C12orf75: variants seen among roughly 807,000 people sequenced by gnomAD.
The protein encoded by C12orf75 is chromosome 12 open reading frame 75.
Under a neutral mutation model 11.4 loss-of-function variants are expected in C12orf75, and 4 were observed. The ratio of observed to expected loss-of-function variants is 0.35; its 90% CI spans 0.17 to 0.80. The LOEUF (loss-of-function observed/expected upper bound fraction) is 0.80, where lower values mean the gene tolerates loss of function less well. Ranked by LOEUF, C12orf75 falls within the 30% of genes least tolerant of loss-of-function variation. The pLI, the probability that C12orf75 is intolerant of heterozygous loss-of-function variation, is 0.52. For missense variants in C12orf75, 89 were observed against 80.4 expected (o/e 1.11, Z -0.41); for synonymous variants, 30 against 30.0 (o/e 1.00, Z 0.00).
Position 105,333,359 on chromosome 12 carries a change from A to C in C12orf75, c.46+2422A>C, listed in dbSNP as rs569235718. ...GAAAATCTCAGCTGTGAGCTTGGGCATCAGCGTCAATTGCACTGTTGACCA... is the reference window on the plus strand; with the variant it reads ...GAAAATCTCAGCTGTGAGCTTGGGCCTCAGCGTCAATTGCACTGTTGACCA... On this transcript the variant is annotated intron_variant, in intron 1 of 5. Coordinates refer to ENST00000443585, the MANE Select transcript of C12orf75 (RefSeq NM_001145199.2). Among the ~76,000 whole-genome samples the C allele has an allele frequency of 5.6e-4, 85 of 152,368 alleles. 2 individuals are homozygous for C. Among genetic ancestry groups the C allele is most frequent in the African/African-American group, 1.9e-3 (77 of 41,598 alleles).
At chr12:105,347,712 A>G (rs769309413) in intron 1 of C12orf75, among the ~76,000 whole-genome samples, 14 of 152,224 alleles carry the variant, frequency 9.2e-5, no homozygotes, top group Non-Finnish European at 1.6e-4. Flanking sequence ...CCTCACAGAC[A>G]CAGCCAGGAA....
intron 1 of C12orf75, among the ~76,000 whole-genome samples, chr12:105,342,925 G>A: frequency 6.6e-6 from 1 of 152,322 alleles, no homozygotes; most frequent in African/African-American, 2.4e-5. Flanking sequence ...CATTGAGACT[G>A]ATGAATAAAA....
At chr12:105,338,061 C>T (rs1372823909) in intron 1 of C12orf75, among the ~76,000 whole-genome samples, 2 of 152,186 alleles carry the variant, frequency 1.3e-5, no homozygotes, top group Admixed American at 6.5e-5. Flanking sequence ...GGCAGTTTTA[C>T]CATGAGCCAC....
At position 105,366,149 on chromosome 12, in the gene C12orf75, C is replaced by T. The variant is rs115624650; in HGVS notation, c.107+307C>T. 6.7e-4 allele frequency: 254 copies of T among 380,994 alleles called. 2 individuals carry two copies. The highest frequency in any genetic ancestry group is 4.9e-3 in the African/African-American group (239 of 48,852). The allele number at this position is 380,994 out of a possible 1,614,324, so 23.6% of individuals were successfully genotyped here. A position where few individuals can be genotyped will look rare whatever the true frequency, so the allele number is the denominator to read the frequency against. On this transcript the variant is annotated intron_variant, in intron 3 of 5. Transcript: ENST00000443585. ...TCATTCTCTCAGCCTTCCCTGTCCT[C>T]CTACTTCTCTGATTAACTGCACTCC...
chr12:105,346,894 C>T (rs1195406764), intron 1 of C12orf75, among the ~76,000 whole-genome samples: 3 of 152,224 alleles, frequency 2.0e-5, no homozygotes, highest in South Asian at 2.1e-4. Context: ...TAATATATAT[C>T]GAAATTGAAA....
intron 2 of C12orf75, among the ~76,000 whole-genome samples, chr12:105,363,020 A>T (rs1892895090): frequency 6.6e-6 from 1 of 152,268 alleles, no homozygotes; most frequent in African/African-American, 2.4e-5. Context: ...AGGAGAAGCC[A>T]CTACGTTGGT....
chr12:105,357,830 GGA>G (rs1391679266), intron 2 of C12orf75, among the ~76,000 whole-genome samples: 8 of 148,182 alleles, frequency 5.4e-5, no homozygotes, highest in African/African-American at 7.6e-5. Context: ...GAGAGAGAGA[GGA>G]GAGAGAGAGA....
rs200950023 is a variant in C12orf75 at position 105,355,168 on chromosome 12, C to CTTTTTTTTTTTTTT, written c.71+6547_71+6548insTTTTTTTTTTTTTT. On this transcript the variant is annotated intron_variant, in intron 2 of 5. Transcript: ENST00000443585. ...GGGTGGTTTTCACGAATTTCTTTTT[C>CTTTTTTTTTTTTTT]TTTTTCTTTTTCTTTTTTTTTTTCA... Among the ~76,000 whole-genome samples the CTTTTTTTTTTTTTT allele has an allele frequency of 8.1e-5, 6 of 74,222 alleles. 2 individuals are homozygous for CTTTTTTTTTTTTTT. Among genetic ancestry groups the CTTTTTTTTTTTTTT allele is most frequent in the African/African-American group, 9.1e-5 (2 of 21,906 alleles). 48.7% of individuals were successfully genotyped at this position (74,222 alleles called of 152,430 possible).
intron 1 of C12orf75, 70 bp downstream of exon 1, chr12:105,331,007 A>C (rs1892415157): frequency 1.0e-6 from 1 of 972,698 alleles, no homozygotes; most frequent in Admixed American, 4.3e-5. Flanking sequence ...GGGTGCAGGG[A>C]TCTTGGGTGG....
chr12:105,349,747 G>A (rs924565001), intron 2 of C12orf75, among the ~76,000 whole-genome samples: 5 of 151,814 alleles, frequency 3.3e-5, no homozygotes, highest in African/African-American at 1.2e-4. Context: ...CATGGTGGTG[G>A]GCCCCTGTAA....
At chr12:105,359,497 G>T (rs377207274) in intron 2 of C12orf75, among the ~76,000 whole-genome samples, 41 of 152,024 alleles carry the variant, frequency 2.7e-4, no homozygotes, top group African/African-American at 8.5e-4. Flanking sequence ...CTGGCTGGGC[G>T]CAGTGGCTCA....
chr12:105,348,797 G>A (rs1438254616), intron 2 of C12orf75, among the ~76,000 whole-genome samples, 171 bp downstream of exon 2: 1 of 152,184 alleles, frequency 6.6e-6, no homozygotes, highest in Non-Finnish European at 1.5e-5. Flanking sequence ...TTCAGAGAGG[G>A]TTCTTTGTGC....
At chr12:105,336,246 G>A (rs1044521660) in intron 1 of C12orf75, among the ~76,000 whole-genome samples, 5 of 152,216 alleles carry the variant, frequency 3.3e-5, no homozygotes, top group Non-Finnish European at 5.9e-5. Flanking sequence ...GATACGGGAC[G>A]AGGAGGACAG....
intron 2 of C12orf75, among the ~76,000 whole-genome samples, chr12:105,353,181 T>G (rs555949698): frequency 6.6e-6 from 1 of 152,338 alleles, no homozygotes; most frequent in Admixed American, 6.5e-5. Flanking sequence ...GGGACTTGGC[T>G]GTAGTCACAG....
At chr12:105,356,589 CT>C (rs1892784534) in intron 2 of C12orf75, among the ~76,000 whole-genome samples, 1 of 152,110 alleles carries the variant, frequency 6.6e-6, no homozygotes, top group Non-Finnish European at 1.5e-5. Context: ...GAAGTGAGAA[CT>C]TTCTGAATTT....
chr12:105,343,107 C>T (rs1026075633), intron 1 of C12orf75, among the ~76,000 whole-genome samples: 7 of 152,186 alleles, frequency 4.6e-5, no homozygotes, highest in African/African-American at 1.7e-4. Flanking sequence ...TTTCCCCTCT[C>T]CATTTTTAGG....
intron 1 of C12orf75, among the ~76,000 whole-genome samples, chr12:105,347,209 G>A (rs1000909132): frequency 2.0e-5 from 3 of 152,240 alleles, no homozygotes; most frequent in Non-Finnish European, 2.9e-5. Flanking sequence ...CAGAAGAGAT[G>A]AGCTGTTTTT....
At chr12:105,364,338 A>C (rs1189775724) in intron 2 of C12orf75, among the ~76,000 whole-genome samples, 1 of 152,228 alleles carries the variant, frequency 6.6e-6, no homozygotes. Flanking sequence ...AAAACAATCC[A>C]GCGTTAAGAG....
In C12orf75 at chr12:105,361,436, T is replaced by A. The variant is rs1892863935; in HGVS notation, c.72-4371T>A. On this transcript the variant is annotated intron_variant, in intron 2 of 5. Transcript: ENST00000443585. Reference sequence around the variant, plus strand: ...AATCCCAAAGACTTAAAGTTTCTTGTAAAAGTGTTGAGTGATAAAATAAAT... The same window carrying A: ...AATCCCAAAGACTTAAAGTTTCTTGAAAAAGTGTTGAGTGATAAAATAAAT... Among the ~76,000 whole-genome samples the A allele has an allele frequency of 2.0e-5, 3 of 152,206 alleles. No homozygotes were observed. In the South Asian group the frequency reaches 6.2e-4, roughly 32 times the overall value.
Sources: allele counts gnomAD v4.1 joint callset (sites outside exome capture counted in the v4.1 genomes callset), GRCh38; gene constraint gnomAD v4.1.1; transcripts MANE v1.5; gene names NCBI Gene and HGNC (gene_info 2026-07-23, HGNC 2026-07-21).